Variants in AHRR observed in about 807,000 individuals in gnomAD.
The protein encoded by AHRR is aryl hydrocarbon receptor repressor.
Under a neutral mutation model 44.0 loss-of-function variants are expected in AHRR, and 28 were observed. The observed-to-expected ratio is 0.64, with a 90% CI of 0.47 to 0.87. The LOEUF (loss-of-function observed/expected upper bound fraction) is 0.87, where lower values mean the gene tolerates loss of function less well. Among genes scored for constraint, AHRR ranks in the 40% least tolerant of loss-of-function variants. The pLI, the probability that AHRR is intolerant of heterozygous loss-of-function variation, is 0.00. For synonymous variants in AHRR, 434 were observed against 407.0 expected, an observed-to-expected ratio of 1.07 and a Z score of -0.80; for missense variants, 990 against 953.9, an observed-to-expected ratio of 1.04 and a Z score of -0.50.
In AHRR at chr5:370,718, G is replaced by A. The variant is rs1743548061; in HGVS notation, c.245-5892G>A. On this transcript the variant is annotated intron_variant, in intron 3 of 10. Transcript: ENST00000684583. The surrounding 1 kb of genome is among the most constrained non-coding windows in gnomAD (Gnocchi z 4.5). ...GGACAGGTCTCGGGAAGGCACAGGT[G>A]ACAGTGTGGGGTGGAGGGGGGCAGC... Among the ~76,000 whole-genome samples the A allele has an allele frequency of 6.8e-6, 1 of 146,450 alleles. No homozygotes were observed. The highest frequency in any genetic ancestry group is 2.3e-4 in the South Asian group (1 of 4,420).
At chr5:409,633 C>T (rs531222427) in intron 4 of AHRR, among the ~76,000 whole-genome samples, 3 of 149,194 alleles carry the variant, frequency 2.0e-5, no homozygotes, top group South Asian at 4.2e-4. Flanking sequence ...TCTGTGCAAA[C>T]GTTTGTCCCA....
chr5:368,134 C>T, intron 3 of AHRR: 1 of 593,642 alleles, frequency 1.7e-6, no homozygotes, highest in Admixed American at 2.9e-5. Flanking sequence ...GCTGAGCTGG[C>T]ACTCCTCGTT....
intron 3 of AHRR, among the ~76,000 whole-genome samples, chr5:354,746 G>A (rs1167860991): frequency 1.3e-5 from 2 of 152,122 alleles, no homozygotes; most frequent in South Asian, 2.1e-4. Context: ...AGTTGTGCCC[G>A]GTGCCTGCAC....
At chr5:382,086 T>C (rs1345212060) in intron 4 of AHRR, among the ~76,000 whole-genome samples, 7 of 152,230 alleles carry the variant, frequency 4.6e-5, no homozygotes, top group Admixed American at 4.6e-4. Flanking sequence ...TGGGGACTTT[T>C]ATGCCTATGT....
intron 3 of AHRR, among the ~76,000 whole-genome samples, chr5:374,822 C>T (rs1743721559): frequency 6.6e-6 from 1 of 152,230 alleles, no homozygotes. Context: ...CCCAGTATGG[C>T]CTTTCTGGTG....
Position 438,106 on chromosome 5 carries a change from A to G in AHRR, c.*3272A>G, listed in dbSNP as rs1262349402. 1 of 152,364 alleles carries G rather than the reference A, an allele frequency of 6.6e-6. No individual in the cohort carries two copies. Among genetic ancestry groups the G allele is most frequent in the Non-Finnish European group, 1.5e-5 (1 of 68,038 alleles). The allele number at this position is 152,364 out of a possible 1,614,324, so 9.4% of individuals were successfully genotyped here. A position where few individuals can be genotyped will look rare whatever the true frequency, so the allele number is the denominator to read the frequency against. On this transcript the variant is annotated 3_prime_UTR_variant, in exon 11 of 11. Transcript: ENST00000684583. Reference sequence around the variant, plus strand: ...TTTGCAGTTTCTACTGGAAGAAAAAAGTTTTCAATACCTAGACCAACTTGT... The same window carrying G: ...TTTGCAGTTTCTACTGGAAGAAAAAGGTTTTCAATACCTAGACCAACTTGT...
intron 4 of AHRR, among the ~76,000 whole-genome samples, chr5:386,920 G>T (rs1260453998): frequency 6.6e-6 from 1 of 152,228 alleles, no homozygotes; most frequent in Non-Finnish European, 1.5e-5. Flanking sequence ...TGAGGCTCTG[G>T]GTCCTGAGGC....
chr5:423,004 A>G, intron 6 of AHRR, 146 bp downstream of exon 6: 1 of 1,171,630 alleles, frequency 8.5e-7, no homozygotes. Context: ...CTTTCTTCAG[A>G]GGCCTCCTCC....
Position 427,815 on chromosome 5 carries a change from G to C in AHRR, c.717G>C (p.Gln239His). 6.2e-7 allele frequency: 1 copy of C among 1,614,214 alleles called. No individual in the cohort carries two copies. The highest frequency in any genetic ancestry group is 1.6e-4 in the Middle Eastern group (1 of 6,062). ...LDSTSGFLTMQFQGKLKFLFG... is the reference protein window; with the variant it reads ...LDSTSGFLTMHFQGKLKFLFG... ...TGTCTTTAAAACACCAGACGATGCAGTTTCAAGGAAAACTAAAATTCCTGT... is the reference window on the plus strand; with the variant it reads ...TGTCTTTAAAACACCAGACGATGCACTTTCAAGGAAAACTAAAATTCCTGT... The change falls in exon 8 of 11, where the codon CAG becomes CAC. Residue 239 changes from glutamine to histidine, a missense_variant. Gln to His is a conservative substitution (Grantham distance 24, BLOSUM62 0). Coordinates refer to ENST00000684583, the MANE Select transcript of AHRR (RefSeq NM_001377236.1).
intron 5 of AHRR, among the ~76,000 whole-genome samples, chr5:418,138 A>G (rs1302826930): frequency 6.6e-6 from 1 of 152,252 alleles, no homozygotes; most frequent in Non-Finnish European, 1.5e-5. Context: ...TAGAGTGAGC[A>G]GCATATTGAA....
chr5:407,470 T>C (rs1043429879), intron 4 of AHRR, among the ~76,000 whole-genome samples: 9 of 152,248 alleles, frequency 5.9e-5, no homozygotes, highest in African/African-American at 2.2e-4. Flanking sequence ...TCTGGTCATT[T>C]TTCCAGTTTG....
At position 353,736 on chromosome 5, in the gene AHRR, C is replaced by A. The variant is rs757432497; in HGVS notation, c.69C>A (p.Pro23=). Residue 23 remains proline, a synonymous_variant, in exon 3 of 11, where the codon CCC becomes CCA. Transcript: ENST00000684583. The part of the protein sequence containing the change: ...KRRRPLQKQR[P]AVGAEKSNPS... Reference sequence around the variant, plus strand: ...CCAGACCATCTCCCCACAGGAGGCCCGCCGTGGGGGCAGAGAAGTCCAACC... The same window carrying A: ...CCAGACCATCTCCCCACAGGAGGCCAGCCGTGGGGGCAGAGAAGTCCAACC... 5 of 1,608,182 alleles carry A rather than the reference C, an allele frequency of 3.1e-6. No homozygotes were observed. The highest frequency in any genetic ancestry group is 2.2e-5 in the East Asian group (1 of 44,866).
chr5:376,058 C>T (rs57898874), intron 3 of AHRR, among the ~76,000 whole-genome samples: 2,056 of 109,676 alleles, frequency 0.019, 24 homozygotes, highest in Admixed American at 0.034. Context: ...TGGCCTGCTT[C>T]TCACTAGGGA....
At chr5:335,894 C>T (rs183678101) in intron 1 of AHRR, among the ~76,000 whole-genome samples, 1 of 152,232 alleles carries the variant, frequency 6.6e-6, no homozygotes, top group Non-Finnish European at 1.5e-5. Context: ...GGGGGTGGTG[C>T]CTGCTTCCAG....
At chr5:415,528 C>CAGAGCAGCAGGCAGTG (rs1560916112) in intron 5 of AHRR, among the ~76,000 whole-genome samples, 1 of 116,456 alleles carries the variant, frequency 8.6e-6, no homozygotes, top group Non-Finnish European at 1.8e-5. Context: ...GCCTAGGGGC[C>CAGAGCAGCAGGCAGTG]GAGTCTGCCT....
rs191252602 is a variant in AHRR, at chr5:405,698, G to A, written c.352-7646G>A. 4.7e-4 allele frequency among the ~76,000 whole-genome samples: 71 copies of A among 152,318 alleles called. 1 individual carries two copies. Among genetic ancestry groups the A allele is most frequent in the Middle Eastern group, 3.4e-3 (1 of 294 alleles). The stretch of plus-strand genomic sequence containing the variant: ...CCAGCAGCCTTGTCCCACCGCCTGC[G>A]ACCACCAGCTCCTCCGCTCTCTCCA... On this transcript the variant is annotated intron_variant, in intron 4 of 10. Coordinates refer to ENST00000684583, the MANE Select transcript of AHRR (RefSeq NM_001377236.1). The surrounding 1 kb of genome is among the most constrained non-coding windows in gnomAD (Gnocchi z 4.5).
chr5:375,635 G>A (rs939065550), intron 3 of AHRR, among the ~76,000 whole-genome samples: 6 of 152,230 alleles, frequency 3.9e-5, no homozygotes, highest in African/African-American at 1.4e-4. Context: ...CACCACCTGT[G>A]ACTTCAGCTG....
Position 432,880 on chromosome 5 carries a change from G to A in AHRR, c.1045G>A (p.Ala349Thr), listed in dbSNP as rs200229746. The stretch of plus-strand genomic sequence containing the variant: ...CGCTGGCCGATGGGCACAGGTTCCC[G>A]CCAGGGCCCCATGCCTGTGCCTCCG... ...TDAGRWAQVPARAPCLCLRGG... is the reference protein window; with the variant it reads ...TDAGRWAQVPTRAPCLCLRGG... Residue 349 changes from alanine to threonine, a missense_variant, in exon 10 of 11, where the codon GCC (alanine) becomes ACC (threonine). Physicochemically the swap from Ala to Thr is moderately conservative, Grantham distance 58. Transcript: ENST00000684583. 2.0e-4 allele frequency: 319 copies of A among 1,613,554 alleles called. No individual in the cohort carries two copies. The highest frequency in any genetic ancestry group is 2.4e-4 in the Non-Finnish European group (282 of 1,179,998).
chr5:432,277 G>A, intron 8 of AHRR, 186 bp from the exon 9 acceptor site: 1 of 595,500 alleles, frequency 1.7e-6, no homozygotes, highest in African/African-American at 1.9e-5. Flanking sequence ...CAGTAAACCT[G>A]TAACTGAGAA....
Sources: allele counts gnomAD v4.1 joint callset (sites outside exome capture counted in the v4.1 genomes callset), GRCh38; gene constraint gnomAD v4.1.1; non-coding constraint Gnocchi (gnomAD v3.1); transcripts MANE v1.5; gene names NCBI Gene and HGNC (gene_info 2026-07-23, HGNC 2026-07-21).